The following DNAH2 variants were observed in gnomAD, a reference collection of about 807,000 sequenced individuals.
The protein encoded by DNAH2 is dynein axonemal heavy chain 2.
In DNAH2, 323 loss-of-function variants were observed where a neutral mutation model predicts 523.5. The observed-to-expected ratio is 0.62, with a 90% CI of 0.56 to 0.68. DNAH2 has a LOEUF of 0.68. Ranked by LOEUF, DNAH2 falls within the 30% of genes least tolerant of loss-of-function variation. The pLI, the probability that DNAH2 is intolerant of heterozygous loss-of-function variation, is 0.00. For synonymous variants in DNAH2, 2,093 were observed against 2,177.4 expected (o/e 0.96, Z 1.08); for missense variants, 4,907 against 5,701.5 (o/e 0.86, Z 4.49).
At chr17:7,778,757 C>T (rs555284593) in intron 35 of DNAH2, among the ~76,000 whole-genome samples, 30 of 151,874 alleles carry the variant, frequency 2.0e-4, no homozygotes, top group African/African-American at 3.6e-4. Flanking sequence ...TTAGTGGAGA[C>T]GGGGTTTCAC....
chr17:7,746,815 C>T (rs560482277), intron 12 of DNAH2, among the ~76,000 whole-genome samples: 39 of 151,878 alleles, frequency 2.6e-4, no homozygotes, highest in African/African-American at 8.0e-4. Context: ...GGTGAAACCC[C>T]GTCTCTACTA....
chr17:7,802,039 G>C, intron 58 of DNAH2, 22 bp downstream of exon 58: 1 of 1,613,314 alleles, frequency 6.2e-7, no homozygotes, highest in Non-Finnish European at 8.5e-7. Flanking sequence ...GGCAGGGGAT[G>C]TGCAGGGCCA....
intron 12 of DNAH2, 83 bp from the exon 13 acceptor site, chr17:7,757,008 C>T: frequency 6.3e-7 from 1 of 1,575,932 alleles, no homozygotes; most frequent in Non-Finnish European, 8.7e-7. Flanking sequence ...CCCTGTGCTT[C>T]CCAGCCTCTC....
chr17:7,747,537 A>C (rs776600907), intron 12 of DNAH2, among the ~76,000 whole-genome samples: 1 of 152,176 alleles, frequency 6.6e-6, no homozygotes, highest in Non-Finnish European at 1.5e-5. Context: ...AAATTTGAAC[A>C]CAGTGTCCCT....
In DNAH2 at chr17:7,792,834, C is replaced by T. The variant is rs565375737; in HGVS notation, c.7323C>T (p.Leu2441=). Residue 2441 remains leucine (L), a synonymous_variant, in exon 47 of 86, where the codon CTC becomes CTT. Transcript: ENST00000572933. The part of the protein sequence containing the change: ...QSLPSSQWSV[L]VVNMSAQTTS... ...TGCCCTCCAGCCAGTGGTCGGTGCT[C>T]GTTGTCAACATGTCCGCACAGGTGT... 724 of 1,614,106 alleles carry T rather than the reference C, an allele frequency of 4.5e-4. 6 individuals are homozygous for T. The South Asian group carries it at 6.7e-3, about 15-fold the overall frequency.
At chr17:7,733,634 C>G (rs1023476250) in intron 5 of DNAH2, among the ~76,000 whole-genome samples, 1 of 151,898 alleles carries the variant, frequency 6.6e-6, no homozygotes, top group Admixed American at 6.6e-5. Context: ...CATGCCACCA[C>G]GCCTGGCTAA....
chr17:7,743,095 G>A lies in DNAH2; in HGVS notation c.1857G>A (p.Leu619=). The A allele has an allele frequency of 6.4e-7, 1 of 1,560,376 alleles. No individual in the cohort carries two copies. Among genetic ancestry groups the A allele is most frequent in the Non-Finnish European group, 8.6e-7 (1 of 1,158,800 alleles). Reference sequence around the variant, plus strand: ...TTCGGCGGTTGGATACCCCATTGCTGCGAATCAGCCAGGAGAAGGCGGGCA... The same window carrying A: ...TTCGGCGGTTGGATACCCCATTGCTACGAATCAGCCAGGAGAAGGCGGGCA... ...DCIRRLDTPL[L]RISQEKAGML... Residue 619 remains leucine (L), a synonymous_variant, in exon 12 of 86, where the codon CTG becomes CTA. Transcript: ENST00000572933.
At chr17:7,805,905 C>T (rs961441866) in intron 61 of DNAH2, among the ~76,000 whole-genome samples, 1 of 151,980 alleles carries the variant, frequency 6.6e-6, no homozygotes, top group Non-Finnish European at 1.5e-5. Flanking sequence ...TGACTTTTTA[C>T]AAAGTTACCT....
Position 7,831,656 on chromosome 17 carries a change from C to T in DNAH2, c.12612-5C>T. On this transcript the variant is annotated splice_region_variant and splice_polypyrimidine_tract_variant and intron_variant, in intron 81 of 85. Transcript: ENST00000572933. The surrounding 1 kb of genome is among the most constrained non-coding windows in gnomAD (Gnocchi z 4.2). Reference sequence around the variant, plus strand: ...ATCTCTAACACTCCACCTCATCCTGCTCAGGTTCTCACTGACAGACCTAGA... The same window carrying T: ...ATCTCTAACACTCCACCTCATCCTGTTCAGGTTCTCACTGACAGACCTAGA... 2 of 1,613,958 alleles carry T rather than the reference C, an allele frequency of 1.2e-6. No homozygotes were observed. The highest frequency in any genetic ancestry group is 1.7e-6 in the Non-Finnish European group (2 of 1,179,846).
Position 7,786,911 on chromosome 17 carries a change from G to A in DNAH2, c.6481G>A (p.Glu2161Lys), listed in dbSNP as rs1479537189. ...RTACADEKPDEKWILFDGPVD... is the reference protein window; with the variant it reads ...RTACADEKPDKKWILFDGPVD... ...CATCTACTCAGATGAGAAACCCGAC[G>A]AGAAGTGGATCCTGTTCGATGGCCC... Residue 2161 changes from glutamate (E) to lysine (K), a missense_variant, in exon 42 of 86, where the codon GAG becomes AAG. By Grantham distance (56) the Glu-to-Lys change is moderately conservative. Coordinates refer to ENST00000572933, the MANE Select transcript of DNAH2 (RefSeq NM_020877.5). This position sits in a 1 kb window ranked among gnomAD's most constrained non-coding sequence, Gnocchi z 7.5. The A allele has an allele frequency of 6.2e-7, 1 of 1,614,254 alleles. No individual in the cohort carries two copies. The highest frequency in any genetic ancestry group is 1.7e-5 in the Admixed American group (1 of 60,032).
intron 48 of DNAH2, 120 bp downstream of exon 48, chr17:7,793,325 C>T (rs1235959585): frequency 4.9e-6 from 5 of 1,027,740 alleles, no homozygotes; most frequent in East Asian, 5.2e-5. Context: ...CACACAGGAG[C>T]GTCCTTCTCC....
At position 7,737,278 on chromosome 17, in the gene DNAH2, G is replaced by A. The variant is rs1273851828; in HGVS notation, c.1170+20G>A. 3.1e-6 allele frequency: 5 copies of A among 1,607,580 alleles called. No homozygotes were observed. The highest frequency in any genetic ancestry group is 1.7e-6 in the Non-Finnish European group (2 of 1,175,168). On this transcript the variant is annotated intron_variant, in intron 8 of 85. Transcript: ENST00000572933. Reference sequence around the variant, plus strand: ...CGAAAGGTGTGCATATGCTGAGGGTGGGATGGAGGGGTTTATGAGGGTGGC... The same window carrying A: ...CGAAAGGTGTGCATATGCTGAGGGTAGGATGGAGGGGTTTATGAGGGTGGC...
In DNAH2 at chr17:7,777,497, A is replaced by G. The variant is rs1399734401; in HGVS notation, c.5110A>G (p.Ile1704Val). The G allele has an allele frequency of 1.2e-6, 2 of 1,614,046 alleles. No individual in the cohort carries two copies. The highest frequency in any genetic ancestry group is 2.2e-5 in the East Asian group (1 of 44,894). Residue 1704 changes from isoleucine to valine, a missense_variant, in exon 33 of 86, where the codon ATC becomes GTC. Ile to Val is a conservative substitution (Grantham distance 29). This residue lies in a region of DNAH2 where 2,806 missense variants were observed against 3,190.8 expected (regional missense o/e 0.88). Transcript: ENST00000572933. ...SEAIRGNLTK[I>V]MRLKIVALVT... is the part of the protein sequence containing the mutation. ...AGCCATCAGGGGGAACTTGACCAAG[A>G]TCATGCGGCTTAAAATTGTGGCTCT...
At chr17:7,787,470 C>T (rs961882041) in intron 42 of DNAH2, 32 of 253,364 alleles carry the variant, frequency 1.3e-4, no homozygotes, top group Middle Eastern at 1.4e-3. Context: ...CCGGGTGGCT[C>T]ACGCCTGTAA....
At position 7,801,602 on chromosome 17, in the gene DNAH2, C is replaced by T. The variant is rs1337162405; in HGVS notation, c.8724C>T (p.Ala2908=). 1 of 1,614,188 alleles carries T rather than the reference C, an allele frequency of 6.2e-7. No homozygotes were observed. The change falls in exon 57 of 86, where the codon GCC becomes GCT. Residue 2908 remains alanine (A), a synonymous_variant. Transcript: ENST00000572933. ...GGAACTGGATCCGCCAGTACCCAGCCTTGGTGAACTGCACAACCATCAACT... is the reference window on the plus strand; with the variant it reads ...GGAACTGGATCCGCCAGTACCCAGCTTTGGTGAACTGCACAACCATCAACT... ...PFRNWIRQYP[A]LVNCTTINWF...
chr17:7,751,920 GGT>G (rs1555544367), intron 12 of DNAH2, among the ~76,000 whole-genome samples: 68 of 145,944 alleles, frequency 4.7e-4, no homozygotes, highest in African/African-American at 5.0e-4. Context: ...ATAGTTGTGG[GGT>G]GTGTGTGTGT....
At chr17:7,746,694 A>G (rs1345087731) in intron 12 of DNAH2, among the ~76,000 whole-genome samples, 1 of 152,210 alleles carries the variant, frequency 6.6e-6, no homozygotes, top group Non-Finnish European at 1.5e-5. Flanking sequence ...ATGCAGAAGT[A>G]TGTAAAGAAA....
chr17:7,794,686 C>G (rs1217839205), intron 49 of DNAH2, among the ~76,000 whole-genome samples: 1 of 151,730 alleles, frequency 6.6e-6, no homozygotes, highest in Non-Finnish European at 1.5e-5. Flanking sequence ...TCACTTGTCT[C>G]AGTGCAGAAT....
In DNAH2 at chr17:7,793,199, C is replaced by T. The variant is rs1054227576; in HGVS notation, c.7563C>T (p.Tyr2521=). 6.2e-7 allele frequency: 1 copy of T among 1,613,494 alleles called. No individual in the cohort carries two copies. The highest frequency in any genetic ancestry group is 2.2e-5 in the East Asian group (1 of 44,860). ...WYDRTKQTIK[Y]IREMFLMAAM... ...ACCGTACGAAGCAGACCATCAAGTACATTCGAGTAAGCCTCGCTAGAGTCT... is the reference window on the plus strand; with the variant it reads ...ACCGTACGAAGCAGACCATCAAGTATATTCGAGTAAGCCTCGCTAGAGTCT... The change falls in exon 48 of 86, where the codon TAC becomes TAT. Residue 2521 remains tyrosine (Y), a synonymous_variant. Coordinates refer to ENST00000572933, the MANE Select transcript of DNAH2 (RefSeq NM_020877.5).
Sources: allele counts gnomAD v4.1 joint callset (sites outside exome capture counted in the v4.1 genomes callset), GRCh38; gene constraint gnomAD v4.1.1; regional missense constraint gnomAD v4.1.1; non-coding constraint Gnocchi (gnomAD v3.1); transcripts MANE v1.5; gene names NCBI Gene and HGNC (gene_info 2026-07-23, HGNC 2026-07-21).